Variants in NOL4 observed in about 807,000 individuals in gnomAD.
The protein encoded by NOL4 is cancer/testis antigen 125.
Under a neutral mutation model 75.9 loss-of-function variants are expected in NOL4, and 17 were observed. The observed-to-expected ratio is 0.22, with a 90% CI of 0.15 to 0.34. NOL4 has a LOEUF of 0.34. Among genes scored for constraint, NOL4 ranks in the 10% least tolerant of loss-of-function variants. NOL4 has a pLI of 1.00. For synonymous variants in NOL4, 292 were observed against 289.9 expected (o/e 1.01, Z -0.07); for missense variants, 614 against 793.5 (o/e 0.77, Z 2.72).
intron 8 of NOL4, among the ~76,000 whole-genome samples, chr18:33,950,039 T>C (rs1416558808): frequency 6.6e-6 from 1 of 151,832 alleles, no homozygotes; most frequent in Non-Finnish European, 1.5e-5. Flanking sequence ...TTGAGTGTTA[T>C]ATAAACTTAC....
chr18:33,992,683 A>G (rs764298682), intron 6 of NOL4, among the ~76,000 whole-genome samples: 12 of 151,998 alleles, frequency 7.9e-5, no homozygotes, highest in Admixed American at 2.0e-4. Context: ...CTCATCTGGC[A>G]TTCAGCTCCT....
At chr18:34,078,489 A>G (rs2077848651) in intron 5 of NOL4, among the ~76,000 whole-genome samples, 1 of 152,214 alleles carries the variant, frequency 6.6e-6, no homozygotes, top group South Asian at 2.1e-4. Context: ...CCTCAATGCC[A>G]TCACTTCAAC....
At chr18:33,902,684 C>T (rs2065811931) in intron 9 of NOL4, among the ~76,000 whole-genome samples, 1 of 151,964 alleles carries the variant, frequency 6.6e-6, no homozygotes, top group Non-Finnish European at 1.5e-5. Context: ...ACTTTGAGTC[C>T]TTTTTTCATC....
intron 9 of NOL4, among the ~76,000 whole-genome samples, chr18:33,936,115 C>T (rs574480470): frequency 6.6e-6 from 1 of 152,208 alleles, no homozygotes; most frequent in African/African-American, 2.4e-5. Flanking sequence ...AAAGCTGCCT[C>T]TCATAAACCA....
At chr18:34,187,654 T>G (rs2146376342) in intron 1 of NOL4, among the ~76,000 whole-genome samples, 1 of 152,270 alleles carries the variant, frequency 6.6e-6, no homozygotes, top group East Asian at 1.9e-4. Context: ...CCCAAAGTGC[T>G]GGATTACAGG....
chr18:33,998,755 A>G (rs978399866), intron 6 of NOL4, among the ~76,000 whole-genome samples: 2 of 152,094 alleles, frequency 1.3e-5, no homozygotes, highest in African/African-American at 4.8e-5. Flanking sequence ...CTTGCTTGTC[A>G]ATTAAATTAA....
chr18:33,859,131 T>C (rs916452878), intron 10 of NOL4, among the ~76,000 whole-genome samples: 1 of 152,100 alleles, frequency 6.6e-6, no homozygotes, highest in African/African-American at 2.4e-5. Flanking sequence ...TTTCACTTAT[T>C]CTATTGTCTT....
intron 5 of NOL4, among the ~76,000 whole-genome samples, chr18:34,052,007 G>C (rs1404510441): frequency 6.6e-6 from 1 of 151,968 alleles, no homozygotes; most frequent in African/African-American, 2.4e-5. Flanking sequence ...TCTCTCCTAA[G>C]GAATATGGGA....
At chr18:34,099,867 C>T (rs2078964665) in intron 4 of NOL4, among the ~76,000 whole-genome samples, 1 of 152,134 alleles carries the variant, frequency 6.6e-6, no homozygotes, top group Non-Finnish European at 1.5e-5. Flanking sequence ...GTCTTCTACC[C>T]ATGCCCCTAT....
chr18:33,890,533 T>C (rs1029402365), intron 9 of NOL4, among the ~76,000 whole-genome samples: 26 of 152,236 alleles, frequency 1.7e-4, no homozygotes, highest in Middle Eastern at 3.4e-3. Flanking sequence ...TTAAAATTCA[T>C]ATGGAACCAA....
intron 1 of NOL4, among the ~76,000 whole-genome samples, chr18:34,174,233 C>T (rs750033723): frequency 2.0e-5 from 3 of 152,110 alleles, no homozygotes; most frequent in Non-Finnish European, 4.4e-5. Flanking sequence ...TTAATCTGTA[C>T]TATTTAAATC....
intron 9 of NOL4, among the ~76,000 whole-genome samples, chr18:33,908,547 T>C (rs568203548): frequency 6.6e-6 from 1 of 152,296 alleles, no homozygotes; most frequent in East Asian, 1.9e-4. Context: ...AAAATTGTGA[T>C]CTTAATTCCT....
At chr18:34,021,714 A>C (rs561524631) in intron 5 of NOL4, among the ~76,000 whole-genome samples, 14 of 152,196 alleles carry the variant, frequency 9.2e-5, no homozygotes, top group Non-Finnish European at 2.1e-4. Context: ...AAGCAGTGGC[A>C]ATGCAGAAAA....
chr18:33,858,285 C>T (rs894018345), intron 10 of NOL4, among the ~76,000 whole-genome samples: 2 of 151,884 alleles, frequency 1.3e-5, no homozygotes, highest in Non-Finnish European at 2.9e-5. Flanking sequence ...CTAACAAATT[C>T]GCCCCTTGAA....
At chr18:33,853,057 A>T in intron 10 of NOL4, 22 bp from the exon 11 acceptor site, 1 of 1,566,672 alleles carries the variant, frequency 6.4e-7, no homozygotes, top group East Asian at 2.3e-5. Flanking sequence ...ATCATCACAA[A>T]ATTAGACATA....
At chr18:34,083,676 C>T (rs562222363) in intron 5 of NOL4, among the ~76,000 whole-genome samples, 1 of 152,116 alleles carries the variant, frequency 6.6e-6, no homozygotes, top group Non-Finnish European at 1.5e-5. Flanking sequence ...TAGTTACTGG[C>T]CGAGCTAGTG....
Position 33,975,763 on chromosome 18 carries a change from G to A in NOL4, c.1057-17345C>T, listed in dbSNP as rs759044942. ...GCACTCCAGCCCAGATGTAAAAAAA[G>A]TAAATAAATTAATTTTAAAAAGGCA... is the stretch of plus-strand genomic sequence containing the variant. On this transcript the variant is annotated intron_variant, in intron 6 of 10. Coordinates refer to ENST00000261592, the MANE Select transcript of NOL4 (RefSeq NM_003787.5). Among the ~76,000 whole-genome samples the A allele has an allele frequency of 1.0e-3, 152 of 152,140 alleles. 1 individual carries two copies. Among genetic ancestry groups the A allele is most frequent in the Admixed American group, 3.0e-3 (46 of 15,264 alleles).
intron 6 of NOL4, among the ~76,000 whole-genome samples, chr18:33,993,363 C>G (rs982819752): frequency 6.6e-6 from 1 of 151,952 alleles, no homozygotes; most frequent in African/African-American, 2.4e-5. Context: ...AGCTCCACTT[C>G]CCTGAGAAGC....
At chr18:34,161,562 G>A (rs917872876) in intron 1 of NOL4, among the ~76,000 whole-genome samples, 1 of 152,024 alleles carries the variant, frequency 6.6e-6, no homozygotes, top group African/African-American at 2.4e-5. Context: ...GTTATCTCCT[G>A]TAGGTTCTGA....
Sources: allele counts gnomAD v4.1 joint callset (sites outside exome capture counted in the v4.1 genomes callset), GRCh38; gene constraint gnomAD v4.1.1; transcripts MANE v1.5; gene names NCBI Gene and HGNC (gene_info 2026-07-23, HGNC 2026-07-21).